BORCS5: variants seen among roughly 807,000 people sequenced by gnomAD.
The protein encoded by BORCS5 is BLOC-1-related complex subunit 5.
Under a neutral mutation model 22.1 loss-of-function variants are expected in BORCS5, and 17 were observed. The observed-to-expected ratio is 0.77, with a 90% CI of 0.53 to 1.15. The LOEUF (loss-of-function observed/expected upper bound fraction) is 1.15, where lower values mean the gene tolerates loss of function less well. Among genes scored for constraint, BORCS5 ranks in the 50% most tolerant of loss-of-function variants. The pLI, the probability that BORCS5 is intolerant of heterozygous loss-of-function variation, is 0.00. For missense variants in BORCS5, 247 were observed against 253.2 expected (o/e 0.98, Z 0.17); for synonymous variants, 117 against 99.8 (o/e 1.17, Z -1.03).
Position 12,465,750 on chromosome 12 carries a change from A to C in BORCS5, c.565A>C (p.Lys189Gln). Reference sequence around the variant, plus strand: ...CGAGCGGCTGGAGCCCTTCAGCATGAAGCCCGACCGCGAGCTCAGGCTGTA... The same window carrying C: ...CGAGCGGCTGGAGCCCTTCAGCATGCAGCCCGACCGCGAGCTCAGGCTGTA... ...EGERLEPFSM[K>Q]PDRELRL The change falls in exon 4 of 4, where the codon AAG becomes CAG. Residue 189 changes from lysine (K) to glutamine (Q), a missense_variant. By Grantham distance (53) the Lys-to-Gln change is moderately conservative (BLOSUM62 1). Coordinates refer to ENST00000314565, the MANE Select transcript of BORCS5 (RefSeq NM_058169.6). The C allele has an allele frequency of 6.2e-7, 1 of 1,613,522 alleles. No individual in the cohort carries two copies. Among genetic ancestry groups the C allele is most frequent in the Non-Finnish European group, 8.5e-7 (1 of 1,179,888 alleles).
rs534574594 is a variant in BORCS5 at position 12,376,484 on chromosome 12, C to T, written c.202+15135C>T. Among the ~76,000 whole-genome samples, 131 of 152,266 alleles carry T rather than the reference C, an allele frequency of 8.6e-4. 1 individual carries two copies. The highest frequency in any genetic ancestry group is 3.1e-3 in the African/African-American group (127 of 41,540). On this transcript the variant is annotated intron_variant, in intron 2 of 3. Transcript: ENST00000314565. ...TCCTGACCTCGTGATCCACCTGCCT[C>T]GGCCTCCCAAAGTGCTGGGATTACA...
intron 3 of BORCS5, among the ~76,000 whole-genome samples, chr12:12,460,221 T>C (rs1393936762): frequency 3.9e-5 from 6 of 152,354 alleles, no homozygotes; most frequent in Middle Eastern, 3.4e-3. Context: ...GTACAGATCT[T>C]ATACATATTT....
In BORCS5 at chr12:12,470,919, T is replaced by A. The variant is rs1190879226; in HGVS notation, c.*5143T>A. ...CTGATGGAATTTACCGTTGACTCAA[T>A]TTTCTTCACCAATCAAGGCTCATTC... On this transcript the variant is annotated 3_prime_UTR_variant, in exon 4 of 4. Transcript: ENST00000314565. 6.6e-6 allele frequency among the ~76,000 whole-genome samples: 1 copy of A among 152,128 alleles called. No homozygotes were observed. Among genetic ancestry groups the A allele is most frequent in the African/African-American group, 2.4e-5 (1 of 41,416 alleles).
At chr12:12,388,113 ACT>A (rs759369930) in intron 2 of BORCS5, among the ~76,000 whole-genome samples, 14 of 150,660 alleles carry the variant, frequency 9.3e-5, no homozygotes, top group African/African-American at 3.4e-4. Context: ...ATTAATTGAG[ACT>A]CTTTTTGGTA....
intron 2 of BORCS5, among the ~76,000 whole-genome samples, chr12:12,389,541 T>C (rs973181429): frequency 7.0e-6 from 1 of 142,440 alleles, no homozygotes; most frequent in East Asian, 1.9e-4. Context: ...CTCTGCAGAA[T>C]TGGTTGCTCC....
chr12:12,428,418 C>G (rs767705465), intron 2 of BORCS5, among the ~76,000 whole-genome samples: 5 of 152,218 alleles, frequency 3.3e-5, no homozygotes, highest in Non-Finnish European at 7.3e-5. Context: ...GGAGCCTACT[C>G]CTCATTTTTG....
chr12:12,403,069 T>C (rs1941513733), intron 2 of BORCS5, among the ~76,000 whole-genome samples: 2 of 152,196 alleles, frequency 1.3e-5, no homozygotes, highest in Admixed American at 1.3e-4. Context: ...TTTCCCTTTT[T>C]TTTTTTGCAC....
In BORCS5 at chr12:12,469,351, C is replaced by T. The variant is rs902621324; in HGVS notation, c.*3575C>T. ...GGCCTGGGTAACAAGAGTGAAACTC[C>T]GTTTAGAAATGAGTTTAGTCTGGGA... On this transcript the variant is annotated 3_prime_UTR_variant, in exon 4 of 4. Transcript: ENST00000314565. The T allele has an allele frequency of 4.6e-5, 7 of 152,142 alleles. No individual in the cohort carries two copies. The highest frequency in any genetic ancestry group is 7.2e-5 in the African/African-American group (3 of 41,428). The allele number at this position is 152,142 out of a possible 1,614,324, so 9.4% of individuals were successfully genotyped here. A position where few individuals can be genotyped will look rare whatever the true frequency, so the allele number is the denominator to read the frequency against.
rs1157373135 is a variant in BORCS5, at chr12:12,470,693, C to T, written c.*4917C>T. On this transcript the variant is annotated 3_prime_UTR_variant, in exon 4 of 4. Coordinates refer to ENST00000314565, the MANE Select transcript of BORCS5 (RefSeq NM_058169.6). Reference sequence around the variant, plus strand: ...TCATGTGGGTTTTTTTTTTTTGACACACCAGGCATGTCTCTTCCATTCAAA... The same window carrying T: ...TCATGTGGGTTTTTTTTTTTTGACATACCAGGCATGTCTCTTCCATTCAAA... Among the ~76,000 whole-genome samples, 2 of 148,738 alleles carry T rather than the reference C, an allele frequency of 1.3e-5. No individual in the cohort carries two copies. Among genetic ancestry groups the T allele is most frequent in the Non-Finnish European group, 3.0e-5 (2 of 67,370 alleles).
At chr12:12,385,838 T>C (rs1490558601) in intron 2 of BORCS5, among the ~76,000 whole-genome samples, 1 of 151,398 alleles carries the variant, frequency 6.6e-6, no homozygotes, top group Non-Finnish European at 1.5e-5. Flanking sequence ...CATAAATGCT[T>C]CTCAAATTTT....
At chr12:12,411,413 C>T (rs970141696) in intron 2 of BORCS5, among the ~76,000 whole-genome samples, 1 of 152,030 alleles carries the variant, frequency 6.6e-6, no homozygotes, top group African/African-American at 2.4e-5. Context: ...GGTTCAAGTC[C>T]TTTGCCCATT....
At chr12:12,423,426 A>ACTT (rs1436947282) in intron 2 of BORCS5, among the ~76,000 whole-genome samples, 1 of 145,504 alleles carries the variant, frequency 6.9e-6, no homozygotes, top group Non-Finnish European at 1.5e-5. Flanking sequence ...TAGTATTAAG[A>ACTT]AACTCCCTCA....
At chr12:12,454,467 G>T (rs763930891) in intron 3 of BORCS5, among the ~76,000 whole-genome samples, 11 of 152,278 alleles carry the variant, frequency 7.2e-5, no homozygotes, top group Non-Finnish European at 1.3e-4. Flanking sequence ...CTGGCCATTT[G>T]TATATCTTCT....
At chr12:12,419,377 T>C (rs1942055403) in intron 2 of BORCS5, among the ~76,000 whole-genome samples, 1 of 152,184 alleles carries the variant, frequency 6.6e-6, no homozygotes, top group Non-Finnish European at 1.5e-5. Context: ...CATGAACTCA[T>C]CCTTTTTTAT....
chr12:12,427,832 C>T (rs1056164893), intron 2 of BORCS5, among the ~76,000 whole-genome samples: 2 of 152,104 alleles, frequency 1.3e-5, no homozygotes, highest in African/African-American at 2.4e-5. Context: ...TGAGGGGAGG[C>T]TCTCACATCT....
At chr12:12,401,834 G>A (rs140268159) in intron 2 of BORCS5, among the ~76,000 whole-genome samples, 4,113 of 152,016 alleles carry the variant, frequency 0.027, 109 homozygotes, top group East Asian at 0.088. Flanking sequence ...CAAGGCGGGC[G>A]GATCACGAGG....
intron 2 of BORCS5, among the ~76,000 whole-genome samples, chr12:12,415,040 G>C (rs1301742604): frequency 6.9e-6 from 1 of 144,098 alleles, no homozygotes; most frequent in East Asian, 2.0e-4. Flanking sequence ...TGGCGGCCGG[G>C]CGGAGACGCT....
chr12:12,448,229 T>A (rs963913352), intron 3 of BORCS5, among the ~76,000 whole-genome samples: 3 of 152,194 alleles, frequency 2.0e-5, no homozygotes, highest in Non-Finnish European at 4.4e-5. Flanking sequence ...TTATTTATTT[T>A]TTGAGATGGA....
chr12:12,387,302 G>A (rs1863904272), intron 2 of BORCS5, among the ~76,000 whole-genome samples: 1 of 151,482 alleles, frequency 6.6e-6, no homozygotes, highest in Non-Finnish European at 1.5e-5. Context: ...TATAAGTAAA[G>A]CCAACATAAG....
Sources: allele counts gnomAD v4.1 joint callset (sites outside exome capture counted in the v4.1 genomes callset), GRCh38; gene constraint gnomAD v4.1.1; transcripts MANE v1.5; gene names NCBI Gene and HGNC (gene_info 2026-07-23, HGNC 2026-07-21).